Variants in DPP6 observed in about 807,000 individuals in gnomAD.
DPP6 encodes A-type potassium channel modulatory protein DPP6.
DPP6 carries 69 observed loss-of-function variants against 122.6 expected under a neutral mutation model. The ratio of observed to expected loss-of-function variants is 0.56; its 90% CI spans 0.46 to 0.69. DPP6 has a LOEUF of 0.69. Among genes scored for constraint, DPP6 ranks in the 30% least tolerant of loss-of-function variants. The pLI is 0.00. For missense variants in DPP6, 928 were observed against 1,116.9 expected (o/e 0.83, Z 2.41); for synonymous variants, 418 against 433.1 (o/e 0.97, Z 0.43).
intron 13 of DPP6, 26 bp from the exon 14 acceptor site, chr7:154,803,838 C>T (rs1563228722): frequency 2.5e-6 from 4 of 1,608,882 alleles, no homozygotes; most frequent in South Asian, 1.1e-5. Context: ...GGTGTCTGCT[C>T]CTGATGCCAT....
chr7:154,787,824 C>A (rs1291536347), intron 10 of DPP6, among the ~76,000 whole-genome samples: 1 of 152,122 alleles, frequency 6.6e-6, no homozygotes, highest in African/African-American at 2.4e-5. Context: ...TTTACCATGT[C>A]TTTTCTCTTA....
intron 1 of DPP6, among the ~76,000 whole-genome samples, 170 bp downstream of exon 1, chr7:154,053,233 C>T (rs1334999046): frequency 0.011 from 1 of 88 alleles, no homozygotes; most frequent in Non-Finnish European, 0.017. Context: ...TCGCGGTCAC[C>T]GCGTCCCGGA....
In DPP6 at chr7:154,672,409, A is replaced by G. The variant is rs1309150356; in HGVS notation, c.762+2968A>G. ...CCCAGCACAGTGTCTGGTGCCCAGT[A>G]CACATTTGTTGAGGTAAAAGATGAA... On this transcript the variant is annotated intron_variant, in intron 7 of 25. Transcript: ENST00000377770. 2.0e-5 allele frequency among the ~76,000 whole-genome samples: 3 copies of G among 152,236 alleles called. No homozygotes were observed. In the South Asian group the frequency reaches 6.2e-4, roughly 32 times the overall value.
chr7:153,886,326 A>T (rs1461429668), upstream of DPP6, among the ~76,000 whole-genome samples: 2 of 152,164 alleles, frequency 1.3e-5, no homozygotes, highest in Non-Finnish European at 2.9e-5. Context: ...CAGGGGCAGC[A>T]GGTGGAGACG....
At chr7:154,062,869 C>T (rs1802210807) in intron 1 of DPP6, among the ~76,000 whole-genome samples, 1 of 133,886 alleles carries the variant, frequency 7.5e-6, no homozygotes, top group Non-Finnish European at 1.6e-5. Flanking sequence ...CCTCCCCCAG[C>T]TTAGGACCCC....
At chr7:154,272,887 T>G (rs1470906647) in intron 1 of DPP6, among the ~76,000 whole-genome samples, 1 of 152,196 alleles carries the variant, frequency 6.6e-6, no homozygotes, top group Non-Finnish European at 1.5e-5. Context: ...TCTCCACATC[T>G]GTGGAGTTTC....
intron 1 of DPP6, among the ~76,000 whole-genome samples, chr7:153,938,933 C>T (rs1173109204): frequency 6.6e-6 from 1 of 152,164 alleles, no homozygotes; most frequent in East Asian, 1.9e-4. Context: ...AATTCTTAAG[C>T]TGTAGACACA....
chr7:154,079,517 T>C (rs1585329498), intron 1 of DPP6, among the ~76,000 whole-genome samples: 1 of 152,258 alleles, frequency 6.6e-6, no homozygotes, highest in Non-Finnish European at 1.5e-5. Flanking sequence ...CCTGCAGTTT[T>C]CACTGGAAGG....
chr7:154,365,046 C>T lies in DPP6; in HGVS notation c.244-81168C>T, dbSNP rs1812037323. ...ATCAGTGAGTTACACCGGGCTTATACCACCAAATAACTGGCTCAACTGGAC... is the reference window on the plus strand; with the variant it reads ...ATCAGTGAGTTACACCGGGCTTATATCACCAAATAACTGGCTCAACTGGAC... On this transcript the variant is annotated intron_variant, in intron 1 of 25. Coordinates refer to ENST00000377770, the MANE Select transcript of DPP6 (RefSeq NM_130797.4). 3.3e-5 allele frequency among the ~76,000 whole-genome samples: 5 copies of T among 152,172 alleles called. No individual in the cohort carries two copies. The South Asian group carries it at 6.2e-4, about 19-fold the overall frequency.
intron 16 of DPP6, among the ~76,000 whole-genome samples, chr7:154,807,620 G>A (rs183295513): frequency 2.8e-4 from 43 of 152,212 alleles, no homozygotes; most frequent in African/African-American, 1.0e-3. Flanking sequence ...TCAGGAGTTC[G>A]AGACCTGCCT....
chr7:154,884,468 TACAC>T (rs1381855526), intron 21 of DPP6: 1 of 107,482 alleles, frequency 9.3e-6, no homozygotes, highest in East Asian at 3.7e-4. Context: ...CACGAGTACA[TACAC>T]ATGCTGACAC....
chr7:154,132,486 A>T (rs1484429855), intron 1 of DPP6, among the ~76,000 whole-genome samples: 5 of 152,014 alleles, frequency 3.3e-5, no homozygotes, highest in Non-Finnish European at 7.4e-5. Flanking sequence ...ATTATCTGTA[A>T]TCTGAAATTA....
At chr7:154,615,869 C>T (rs1413308374) in intron 5 of DPP6, among the ~76,000 whole-genome samples, 2 of 152,174 alleles carry the variant, frequency 1.3e-5, no homozygotes, top group Non-Finnish European at 2.9e-5. Flanking sequence ...AAACCCTGTC[C>T]TCATTAAACA....
intron 1 of DPP6, among the ~76,000 whole-genome samples, chr7:154,379,985 G>A (rs1813452182): frequency 6.6e-6 from 1 of 152,264 alleles, no homozygotes; most frequent in African/African-American, 2.4e-5. Context: ...CCTTCTACAA[G>A]ATAACTGGCC....
chr7:154,150,592 C>T (rs1796361666), intron 1 of DPP6, among the ~76,000 whole-genome samples: 1 of 152,234 alleles, frequency 6.6e-6, no homozygotes, highest in Non-Finnish European at 1.5e-5. Flanking sequence ...AAAGAATAGG[C>T]ATCTTATGGT....
intron 5 of DPP6, among the ~76,000 whole-genome samples, chr7:154,617,965 C>T (rs1320973266): frequency 6.6e-6 from 1 of 152,036 alleles, no homozygotes; most frequent in Non-Finnish European, 1.5e-5. Flanking sequence ...TCATAAGTGA[C>T]CAGTCGAGAG....
chr7:153,902,659 AC>A (rs1799686564), intron 1 of DPP6, among the ~76,000 whole-genome samples: 1 of 152,004 alleles, frequency 6.6e-6, no homozygotes, highest in East Asian at 1.9e-4. Flanking sequence ...ACATGGTGAA[AC>A]CCTGTCTCTA....
rs1836362530 is a variant in DPP6, at chr7:154,645,059, T to C, written c.680+7186T>C. 2.0e-5 allele frequency among the ~76,000 whole-genome samples: 3 copies of C among 146,492 alleles called. No homozygotes were observed. The Admixed American group carries it at 2.1e-4, about 10-fold the overall frequency. ...TGCTTTTTTTGTTTTGTTTATTTGT[T>C]GGTTTTTTTTTTTTTTTTTTTGAGA... is the stretch of plus-strand genomic sequence containing the variant. On this transcript the variant is annotated intron_variant, in intron 6 of 25. Coordinates refer to ENST00000377770, the MANE Select transcript of DPP6 (RefSeq NM_130797.4).
At chr7:154,717,742 G>C (rs994327335) in intron 7 of DPP6, among the ~76,000 whole-genome samples, 2 of 152,094 alleles carry the variant, frequency 1.3e-5, no homozygotes, top group African/African-American at 4.8e-5. Context: ...GATTTCATTT[G>C]CTTTGGATGT....
Sources: allele counts gnomAD v4.1 joint callset (sites outside exome capture counted in the v4.1 genomes callset), GRCh38; gene constraint gnomAD v4.1.1; transcripts MANE v1.5; gene names NCBI Gene and HGNC (gene_info 2026-07-23, HGNC 2026-07-21).